The following IGDCC4 variants were observed in gnomAD, a reference collection of about 807,000 sequenced individuals.
IGDCC4 encodes likely ortholog of mouse neighbor of Punc E11.
In IGDCC4, 72 loss-of-function variants were observed where a neutral mutation model predicts 116.6. That is an observed-to-expected ratio of 0.62 (90% CI 0.51 to 0.75). The LOEUF (loss-of-function observed/expected upper bound fraction) is 0.75, where lower values mean the gene tolerates loss of function less well. IGDCC4 is among the 30% of genes least tolerant of loss of function. The probability of loss-of-function intolerance (pLI) is 0.00; values close to 1 mark genes in which losing one functional copy is unlikely to be tolerated. For synonymous variants in IGDCC4, 709 were observed against 719.9 expected, an observed-to-expected ratio of 0.98 and a Z score of 0.24; for missense variants, 1,501 against 1,662.4, an observed-to-expected ratio of 0.90 and a Z score of 1.69.
At chr15:65,387,505 C>T (rs565156505) in intron 16 of IGDCC4, among the ~76,000 whole-genome samples, 62 of 152,224 alleles carry the variant, frequency 4.1e-4, no homozygotes, top group African/African-American at 1.2e-3. Flanking sequence ...TCCACCACCA[C>T]GCCCAGCTAA....
chr15:65,419,494 G>T (rs559230570), intron 1 of IGDCC4, among the ~76,000 whole-genome samples: 1 of 152,288 alleles, frequency 6.6e-6, no homozygotes, highest in South Asian at 2.1e-4. Flanking sequence ...ATTGAGTCAT[G>T]AAAGCACATA....
In IGDCC4 at chr15:65,402,419, C is replaced by A; in HGVS notation, c.632G>T (p.Arg211Leu). The A allele has an allele frequency of 1.9e-6, 3 of 1,568,150 alleles. No homozygotes were observed. Among genetic ancestry groups the A allele is most frequent in the Non-Finnish European group, 2.6e-6 (3 of 1,155,740 alleles). ...GCGAGCTGAGTTGGTGGCCACGCAG[C>A]GGTAGGGGCCTGCATCACTCTCCTG... is the stretch of plus-strand genomic sequence containing the variant. ...DVQESDAGPY[R>L]CVATNSARQH... The change falls in exon 4 of 20, where the codon CGC becomes CTC. Residue 211 changes from arginine (R) to leucine (L), a missense_variant. Around this residue, in one of 3 missense-constraint regions of IGDCC4, gnomAD observed 898 missense variants for 978.9 expected, o/e 0.92. Transcript: ENST00000352385.
intron 3 of IGDCC4, 117 bp from the exon 4 acceptor site, chr15:65,402,604 C>T: frequency 1.5e-6 from 2 of 1,341,594 alleles, no homozygotes; most frequent in African/African-American, 1.5e-5. Flanking sequence ...CGCAGTGGCT[C>T]ACGCCTATAA....
chr15:65,398,437 G>A (rs1466817387), intron 5 of IGDCC4, among the ~76,000 whole-genome samples: 2 of 147,468 alleles, frequency 1.4e-5, no homozygotes, highest in Non-Finnish European at 3.0e-5. Flanking sequence ...GGGAAGCTGA[G>A]ACAGGAGAAT....
intron 15 of IGDCC4, 61 bp from the exon 16 acceptor site, chr15:65,388,647 G>A (rs2091484224): frequency 1.9e-6 from 3 of 1,608,820 alleles, no homozygotes; most frequent in East Asian, 2.2e-5. Context: ...ATGCAGAGGT[G>A]GGCAGGGAGG....
rs2091501517 is a variant in IGDCC4, at chr15:65,390,266, A to G, written c.2297T>C (p.Ile766Thr). 6.2e-7 allele frequency: 1 copy of G among 1,613,612 alleles called. No homozygotes were observed. The highest frequency in any genetic ancestry group is 2.2e-5 in the East Asian group (1 of 44,856). ...ATCTGGCTTTTTCCACCGAAGCCAG[A>G]TGGATGTGGAGCTGTTTGATTCCGC... Reference protein sequence around the residue: ...VHAESNSSTSIWLRWKKPDFT... With the variant: ...VHAESNSSTSTWLRWKKPDFT... The change falls in exon 13 of 20, where the codon ATC (isoleucine) becomes ACC (threonine). Residue 766 changes from isoleucine to threonine, a missense_variant. This residue lies in a region of IGDCC4 where 235 missense variants were observed against 328.0 expected (regional missense o/e 0.72). Coordinates refer to ENST00000352385, the MANE Select transcript of IGDCC4 (RefSeq NM_020962.3).
In IGDCC4 at chr15:65,393,440, C is replaced by T. The variant is rs765687814; in HGVS notation, c.1806G>A (p.Ser602=). ...CCCCGAAGCCGGCTGCTGTACCAGCCGAAATCCGTACTCGATACACCTTGT... is the reference window on the plus strand; with the variant it reads ...CCCCGAAGCCGGCTGCTGTACCAGCTGAAATCCGTACTCGATACACCTTGT... ...QPNKVYRVRI[S]AGTAAGFGAP... Residue 602 remains serine (S), a synonymous_variant, in exon 10 of 20, where the codon TCG becomes TCA. Transcript: ENST00000352385. The surrounding 1 kb of genome is among the most constrained non-coding windows in gnomAD (Gnocchi z 4.6). 5.6e-6 allele frequency: 9 copies of T among 1,613,684 alleles called. No individual in the cohort carries two copies. Among genetic ancestry groups the T allele is most frequent in the East Asian group, 4.5e-5 (2 of 44,884 alleles).
chr15:65,386,789 T>C (rs2091465098), intron 16 of IGDCC4, 133 bp from the exon 17 acceptor site: 1 of 667,066 alleles, frequency 1.5e-6, no homozygotes, highest in South Asian at 1.9e-5. Flanking sequence ...AATCTTCTGA[T>C]ACAAGGACAG....
intron 1 of IGDCC4, among the ~76,000 whole-genome samples, chr15:65,412,511 CAAAAAAAAAA>C (rs3082805): frequency 1.8e-4 from 3 of 16,718 alleles, no homozygotes; most frequent in East Asian, 1.9e-3. Flanking sequence ...GATTCCATCT[CAAAAAAAAAA>C]AAAAAAAAAA....
intron 1 of IGDCC4, among the ~76,000 whole-genome samples, chr15:65,412,347 A>T (rs142690168): frequency 8.8e-4 from 133 of 151,986 alleles, no homozygotes; most frequent in African/African-American, 3.1e-3. Flanking sequence ...CCCCGTCTCT[A>T]CTAAAAATAC....
chr15:65,395,887 C>A lies in IGDCC4; in HGVS notation c.1274G>T (p.Arg425Leu), dbSNP rs532296019. Residue 425 changes from arginine (R) to leucine (L), a missense_variant, in exon 7 of 20, where the codon CGC becomes CTC. By Grantham distance (102) the Arg-to-Leu change is moderately radical. Transcript: ENST00000352385. ...CGTGGGGGCGCTGGGCAGCCCCTCG[C>A]GCACCACCACGGCCAGCGACGCGGC... ...CAAASLAVVV[R>L]EGLPSAPTRV... 1 of 1,588,048 alleles carries A rather than the reference C, an allele frequency of 6.3e-7. No homozygotes were observed. Among genetic ancestry groups the A allele is most frequent in the South Asian group, 1.1e-5 (1 of 89,080 alleles).
At chr15:65,394,844 CAG>C (rs2062905084) in intron 8 of IGDCC4, among the ~76,000 whole-genome samples, 1 of 152,178 alleles carries the variant, frequency 6.6e-6, no homozygotes, top group South Asian at 2.1e-4. Flanking sequence ...CTGCATGACA[CAG>C]GGAATCATCA....
intron 4 of IGDCC4, 78 bp downstream of exon 4, chr15:65,402,273 C>A: frequency 6.7e-7 from 1 of 1,492,348 alleles, no homozygotes; most frequent in Non-Finnish European, 9.0e-7. Flanking sequence ...AAGGCCTGGA[C>A]CCCTTGAGGT....
In IGDCC4 at chr15:65,385,917, G is replaced by A; in HGVS notation, c.3094C>T (p.Pro1032Ser). 1 of 1,612,496 alleles carries A rather than the reference G, an allele frequency of 6.2e-7. No homozygotes were observed. The change falls in exon 18 of 20, where the codon CCA (proline) becomes TCA (serine). Residue 1032 changes from proline (P) to serine (S), a missense_variant. Physicochemically the swap from Pro to Ser is moderately conservative, Grantham distance 74. Transcript: ENST00000352385. The stretch of plus-strand genomic sequence containing the variant: ...GCCCTGTCCTCCACGTCTGAGGGTG[G>A]CGGGGACCAGTCCTGGGGATGGGGG... ...VHPHPQDWSPPPSDVEDRAEV... is the reference protein window; with the variant it reads ...VHPHPQDWSPSPSDVEDRAEV...
At chr15:65,394,172 A>G (rs1050524722) in intron 9 of IGDCC4, among the ~76,000 whole-genome samples, 23 of 151,994 alleles carry the variant, frequency 1.5e-4, no homozygotes, top group East Asian at 3.9e-4. Flanking sequence ...AGAAGTACAC[A>G]CTGCAGCTGT....
rs1263708180 is a variant in IGDCC4 at position 65,393,421 on chromosome 15, A to G, written c.1825T>C (p.Phe609Leu). ...VRISAGTAAG[F>L]GAPSQWMHHR... ...TGCATCCACTGGGAGGGGGCCCCGA[A>G]GCCGGCTGCTGTACCAGCCGAAATC... Residue 609 changes from phenylalanine (F) to leucine (L), a missense_variant, in exon 10 of 20, where the codon TTC (phenylalanine) becomes CTC (leucine). This residue lies in a region of IGDCC4 where 898 missense variants were observed against 978.9 expected (regional missense o/e 0.92). Coordinates refer to ENST00000352385, the MANE Select transcript of IGDCC4 (RefSeq NM_020962.3). This position sits in a 1 kb window ranked among gnomAD's most constrained non-coding sequence, Gnocchi z 4.6. 4 of 1,613,582 alleles carry G rather than the reference A, an allele frequency of 2.5e-6. No individual in the cohort carries two copies. The African/African-American group carries it at 5.3e-5, about 22-fold the overall frequency.
chr15:65,402,053 G>A (rs554378181), intron 4 of IGDCC4, among the ~76,000 whole-genome samples: 4 of 152,264 alleles, frequency 2.6e-5, no homozygotes, highest in South Asian at 4.1e-4. Context: ...CAGATGCCTC[G>A]CATCCCCACC....
At position 65,396,226 on chromosome 15, in the gene IGDCC4, C is replaced by A. The variant is rs759604168; in HGVS notation, c.998-63G>T. ...GCAACTAAGGTCTCTGCCCCCCCCC[C>A]AGTACCCCAAGCCTGCCCCCCACCG... On this transcript the variant is annotated intron_variant, in intron 6 of 19. Coordinates refer to ENST00000352385, the MANE Select transcript of IGDCC4 (RefSeq NM_020962.3). 9 of 1,374,492 alleles carry A rather than the reference C, an allele frequency of 6.5e-6. No individual in the cohort carries two copies. The South Asian group carries it at 8.8e-5, about 13-fold the overall frequency. The allele number at this position is 1,374,492 out of a possible 1,614,324, so 85.1% of individuals were successfully genotyped here.
intron 13 of IGDCC4, 40 bp from the exon 14 acceptor site, chr15:65,389,451 C>G: frequency 6.2e-7 from 1 of 1,613,994 alleles, no homozygotes. Flanking sequence ...CTCAGGCACA[C>G]TCTCCCAGCA....
Sources: allele counts gnomAD v4.1 joint callset (sites outside exome capture counted in the v4.1 genomes callset), GRCh38; gene constraint gnomAD v4.1.1; regional missense constraint gnomAD v4.1.1; non-coding constraint Gnocchi (gnomAD v3.1); transcripts MANE v1.5; gene names NCBI Gene and HGNC (gene_info 2026-07-23, HGNC 2026-07-21).